C12orf56: variants seen among roughly 807,000 people sequenced by gnomAD.
C12orf56 encodes the protein chromosome 12 open reading frame 56.
Under a neutral mutation model 69.9 loss-of-function variants are expected in C12orf56, and 71 were observed. The ratio of observed to expected loss-of-function variants is 1.02; its 90% CI spans 0.84 to 1.24. The LOEUF (loss-of-function observed/expected upper bound fraction) is 1.24, where lower values mean the gene tolerates loss of function less well. Among genes scored for constraint, C12orf56 ranks in the 50% most tolerant of loss-of-function variants. The pLI is 0.00. For missense variants in C12orf56, 732 were observed against 738.5 expected, an observed-to-expected ratio of 0.99 and a Z score of 0.10; for synonymous variants, 276 against 274.1, an observed-to-expected ratio of 1.01 and a Z score of -0.07.
chr12:64,323,774 G>A (rs955099075), intron 3 of C12orf56, among the ~76,000 whole-genome samples: 4 of 152,158 alleles, frequency 2.6e-5, no homozygotes, highest in African/African-American at 9.7e-5. Context: ...GCCTCCCAAA[G>A]TGCTGGTATT....
intron 1 of C12orf56, among the ~76,000 whole-genome samples, chr12:64,360,366 A>T (rs1175766778): frequency 2.0e-5 from 3 of 152,206 alleles, no homozygotes; most frequent in Non-Finnish European, 4.4e-5. Context: ...TGGAGGTTGC[A>T]GTGAGCCAAG....
chr12:64,269,766 T>C (rs2037957374), intron 12 of C12orf56, among the ~76,000 whole-genome samples: 1 of 151,878 alleles, frequency 6.6e-6, no homozygotes, highest in Non-Finnish European at 1.5e-5. Context: ...TTTTTGTATT[T>C]TTAGTAGAGA....
chr12:64,295,346 T>G (rs936313229), intron 6 of C12orf56, among the ~76,000 whole-genome samples: 8 of 152,158 alleles, frequency 5.3e-5, no homozygotes, highest in Non-Finnish European at 1.2e-4. Context: ...CTTCTAAAAC[T>G]TGGAGTTTAG....
intron 1 of C12orf56, among the ~76,000 whole-genome samples, chr12:64,372,065 G>A (rs1285374164): frequency 6.6e-6 from 1 of 152,018 alleles, no homozygotes; most frequent in Non-Finnish European, 1.5e-5. Flanking sequence ...ACAGGCATGA[G>A]CCACTGCACC....
At chr12:64,284,087 A>G (rs1345173163) in intron 8 of C12orf56, among the ~76,000 whole-genome samples, 1 of 151,942 alleles carries the variant, frequency 6.6e-6, no homozygotes, top group Non-Finnish European at 1.5e-5. Flanking sequence ...TAGTAGAGAC[A>G]GGGTTTCACC....
Position 64,266,662 on chromosome 12 carries a change from C to T in C12orf56, c.*521G>A. ...GTGAAGAGCATGCTCCTGTGCCTGG[C>T]ATGGTTTCACCGAGAACACTGTGCC... is the stretch of plus-strand genomic sequence containing the variant. On this transcript the variant is annotated 3_prime_UTR_variant, in exon 13 of 13. Coordinates refer to ENST00000543942, the MANE Select transcript of C12orf56 (RefSeq NM_001170633.2). 1 of 878,694 alleles carries T rather than the reference C, an allele frequency of 1.1e-6. No homozygotes were observed. Among genetic ancestry groups the T allele is most frequent in the Non-Finnish European group, 1.5e-6 (1 of 646,482 alleles). The allele number at this position is 878,694 out of a possible 1,614,324, so 54.4% of individuals were successfully genotyped here. A position where few individuals can be genotyped will look rare whatever the true frequency, so the allele number is the denominator to read the frequency against.
At chr12:64,376,796 C>T (rs1190332478) in intron 1 of C12orf56, among the ~76,000 whole-genome samples, 1 of 152,122 alleles carries the variant, frequency 6.6e-6, no homozygotes, top group Non-Finnish European at 1.5e-5. Context: ...TGATCTCATT[C>T]CTTTTGATGC....
At chr12:64,387,031 T>C (rs1284138326) in intron 1 of C12orf56, among the ~76,000 whole-genome samples, 2 of 121,388 alleles carry the variant, frequency 1.6e-5, no homozygotes, top group African/African-American at 6.3e-5. Context: ...CAAGCCAAGA[T>C]TGCACCACTG....
At chr12:64,286,991 C>T (rs2038211227) in intron 6 of C12orf56, among the ~76,000 whole-genome samples, 1 of 152,044 alleles carries the variant, frequency 6.6e-6, no homozygotes, top group Non-Finnish European at 1.5e-5. Context: ...CAGCCCAGCA[C>T]TTTGGGAGGC....
intron 11 of C12orf56, among the ~76,000 whole-genome samples, chr12:64,272,248 T>C (rs1426100428): frequency 6.6e-6 from 1 of 152,150 alleles, no homozygotes; most frequent in Admixed American, 6.5e-5. Context: ...CTCACAGCTG[T>C]AATCCCAGCA....
At chr12:64,380,029 C>A (rs1298174282) in intron 1 of C12orf56, among the ~76,000 whole-genome samples, 1 of 135,200 alleles carries the variant, frequency 7.4e-6, no homozygotes. Flanking sequence ...GGCGTGAACC[C>A]GGGAGGCGGA....
rs2136807980 is a variant in C12orf56 at position 64,304,958 on chromosome 12, A to G, written c.969-1179T>C. 1.3e-5 allele frequency among the ~76,000 whole-genome samples: 2 copies of G among 152,272 alleles called. 1 individual carries two copies. Among genetic ancestry groups the G allele is most frequent in the South Asian group, 4.1e-4 (2 of 4,830 alleles). ...TTAAAATTTCTGACTTGAAGTAAAA[A>G]CATTTTTTACCACTTACTCCAGTAA... On this transcript the variant is annotated intron_variant, in intron 5 of 12. Transcript: ENST00000543942.
rs1283773606 is a variant in C12orf56, at chr12:64,274,895, A to G, written c.1584+6T>C. ...GGTGATTTCGTTTTGACTTCTAGAT[A>G]CTTACGATGGGAGGACAGCTTTGTA... On this transcript the variant is annotated splice_donor_region_variant and intron_variant, in intron 11 of 12. Coordinates refer to ENST00000543942, the MANE Select transcript of C12orf56 (RefSeq NM_001170633.2). The G allele has an allele frequency of 6.2e-7, 1 of 1,600,506 alleles. No individual in the cohort carries two copies. Among genetic ancestry groups the G allele is most frequent in the Admixed American group, 1.7e-5 (1 of 59,886 alleles).
At chr12:64,275,095 A>C (rs1332556432) in intron 10 of C12orf56, 120 bp from the exon 11 acceptor site, 1 of 1,054,120 alleles carries the variant, frequency 9.5e-7, no homozygotes, top group Non-Finnish European at 1.4e-6. Flanking sequence ...TCAGTTTTGG[A>C]AAATAAACTA....
intron 6 of C12orf56, among the ~76,000 whole-genome samples, chr12:64,298,261 T>G (rs1212355756): frequency 1.3e-5 from 2 of 152,322 alleles, no homozygotes; most frequent in African/African-American, 4.8e-5. Flanking sequence ...TTTACGTCCT[T>G]TGTAGATTCT....
intron 9 of C12orf56, among the ~76,000 whole-genome samples, chr12:64,276,015 G>A (rs1444903438): frequency 6.7e-6 from 1 of 149,464 alleles, no homozygotes; most frequent in Non-Finnish European, 1.5e-5. Flanking sequence ...CCCCCCGCGA[G>A]TTGAGGTGAG....
intron 2 of C12orf56, among the ~76,000 whole-genome samples, chr12:64,350,086 A>G (rs10878152): frequency 0.83 from 121,231 of 145,204 alleles, 51,467 homozygotes; most frequent in East Asian, 0.95. Flanking sequence ...AGCAAGACTC[A>G]GTCTCAGAAA....
intron 8 of C12orf56, among the ~76,000 whole-genome samples, chr12:64,280,986 A>G (rs1326941395): frequency 2.0e-5 from 3 of 152,166 alleles, no homozygotes; most frequent in Non-Finnish European, 2.9e-5. Context: ...AACTAATACA[A>G]TTTTGGCTGG....
At chr12:64,276,820 C>G (rs1435654701) in intron 9 of C12orf56, among the ~76,000 whole-genome samples, 1 of 150,820 alleles carries the variant, frequency 6.6e-6, no homozygotes, top group Non-Finnish European at 1.5e-5. Flanking sequence ...ATGGCAAGAC[C>G]CCATCTCTAC....
Sources: allele counts gnomAD v4.1 joint callset (sites outside exome capture counted in the v4.1 genomes callset), GRCh38; gene constraint gnomAD v4.1.1; transcripts MANE v1.5; gene names NCBI Gene and HGNC (gene_info 2026-07-23, HGNC 2026-07-21).